Variants in ROBO2 observed in about 807,000 individuals in gnomAD.
ROBO2 encodes the protein roundabout homolog 2.
ROBO2 carries 53 observed loss-of-function variants against 160.8 expected under a neutral mutation model. That is an observed-to-expected ratio of 0.33 (90% CI 0.26 to 0.41). The LOEUF is 0.41. Among genes scored for constraint, ROBO2 ranks in the 10% least tolerant of loss-of-function variants. The probability of loss-of-function intolerance (pLI) is 1.00; values close to 1 mark genes in which losing one functional copy is unlikely to be tolerated. For missense variants in ROBO2, 1,577 were observed against 1,722.4 expected (o/e 0.92, Z 1.49); for synonymous variants, 664 against 611.7 (o/e 1.09, Z -1.26).
At chr3:76,597,548 A>G (rs1056000462) in intron 2 of ROBO2, among the ~76,000 whole-genome samples, 5 of 139,674 alleles carry the variant, frequency 3.6e-5, no homozygotes, top group African/African-American at 1.6e-4. Context: ...CTAAAACAAC[A>G]ATGAGGTTCA....
chr3:77,588,754 G>C, exon 17 of ROBO2: 1 of 1,613,016 alleles, frequency 6.2e-7, no homozygotes. Context: ...TCCATAGGGA[G>C]ACGCAATGAA....
At chr3:76,766,362 C>T (rs1033825827) in intron 2 of ROBO2, among the ~76,000 whole-genome samples, 3 of 151,628 alleles carry the variant, frequency 2.0e-5, no homozygotes, top group Non-Finnish European at 4.4e-5. Context: ...CCATTTCAAT[C>T]TATGGACGTA....
chr3:76,427,047 A>G (rs535246999), intron 2 of ROBO2, among the ~76,000 whole-genome samples: 129 of 152,256 alleles, frequency 8.5e-4, no homozygotes, highest in African/African-American at 2.8e-3. Flanking sequence ...ATATTTTCCT[A>G]TGACCTAACT....
At chr3:76,833,910 A>G (rs1414033377) in intron 2 of ROBO2, among the ~76,000 whole-genome samples, 2 of 151,778 alleles carry the variant, frequency 1.3e-5, no homozygotes, top group African/African-American at 4.8e-5. Flanking sequence ...TGACATGCTC[A>G]GACTTTTTTT....
chr3:76,259,523 G>T (rs1706608510), intron 2 of ROBO2, among the ~76,000 whole-genome samples: 1 of 152,104 alleles, frequency 6.6e-6, no homozygotes, highest in Non-Finnish European at 1.5e-5. Context: ...GTAAGCAGAG[G>T]CCCTGGTGAC....
intron 2 of ROBO2, among the ~76,000 whole-genome samples, chr3:77,463,251 C>T (rs2153573393): frequency 6.6e-6 from 1 of 152,188 alleles, no homozygotes; most frequent in South Asian, 2.1e-4. Context: ...AAGTGAAAAA[C>T]AAATATCTAA....
chr3:76,702,971 A>G (rs1281243692), intron 2 of ROBO2, among the ~76,000 whole-genome samples: 1 of 152,116 alleles, frequency 6.6e-6, no homozygotes, highest in East Asian at 1.9e-4. Flanking sequence ...AGTTAACAGA[A>G]CACAGAGATG....
At chr3:76,395,588 G>C (rs1397283700) in intron 2 of ROBO2, among the ~76,000 whole-genome samples, 1 of 150,902 alleles carries the variant, frequency 6.6e-6, no homozygotes, top group African/African-American at 2.4e-5. Flanking sequence ...GACTAATAAA[G>C]AAAAAAAGAG....
intron 2 of ROBO2, among the ~76,000 whole-genome samples, chr3:76,233,811 ATTTTGT>A (rs1360236166): frequency 5.9e-5 from 9 of 152,046 alleles, no homozygotes; most frequent in African/African-American, 2.2e-4. Flanking sequence ...CTTTTTTGTT[ATTTTGT>A]TTTTAACTTT....
At chr3:77,043,616 G>T (rs2064317711) in intron 1 of ROBO2, among the ~76,000 whole-genome samples, 2 of 152,074 alleles carry the variant, frequency 1.3e-5, no homozygotes, top group Admixed American at 1.3e-4. Flanking sequence ...AGACTTTTCT[G>T]TATGATCATA....
intron 2 of ROBO2, among the ~76,000 whole-genome samples, chr3:76,585,685 G>C (rs767825555): frequency 1.3e-5 from 2 of 152,098 alleles, no homozygotes; most frequent in Non-Finnish European, 2.9e-5. Context: ...GGAAGACAAG[G>C]GGGTATATGA....
rs968231179 is a variant in ROBO2 at position 77,642,664 on chromosome 3, T to A, written c.3935-2040T>A. ...AGTCCATTCTAAACATTATTCAAAATTTTTAGATCTTCCACCACCACCAGA... is the reference window on the plus strand; with the variant it reads ...AGTCCATTCTAAACATTATTCAAAAATTTTAGATCTTCCACCACCACCAGA... On this transcript the variant is annotated intron_variant, in intron 24 of 25. Coordinates refer to ENST00000461745, the Ensembl canonical transcript of ROBO2. The A allele has an allele frequency of 2.2e-6, 1 of 452,474 alleles. No homozygotes were observed. Among genetic ancestry groups the A allele is most frequent in the East Asian group, 7.0e-5 (1 of 14,370 alleles). 28.0% of individuals were successfully genotyped at this position (452,474 alleles called of 1,614,324 possible).
intron 1 of ROBO2, among the ~76,000 whole-genome samples, chr3:77,057,258 C>A (rs1254954862): frequency 6.6e-6 from 1 of 152,022 alleles, no homozygotes; most frequent in East Asian, 1.9e-4. Flanking sequence ...GGGAACTGAA[C>A]AATGAGAACA....
At chr3:77,413,313 G>T (rs757518941) in intron 2 of ROBO2, among the ~76,000 whole-genome samples, 3 of 152,088 alleles carry the variant, frequency 2.0e-5, no homozygotes, top group Admixed American at 6.6e-5. Flanking sequence ...AAGAGGAAGT[G>T]CAAAGGCTTA....
intron 2 of ROBO2, among the ~76,000 whole-genome samples, chr3:76,834,460 C>T (rs2067488106): frequency 6.6e-6 from 1 of 152,060 alleles, no homozygotes; most frequent in Non-Finnish European, 1.5e-5. Context: ...GCAACCTCCT[C>T]CTCCTAGGTT....
At chr3:77,110,876 T>G (rs73112440) in intron 2 of ROBO2, among the ~76,000 whole-genome samples, 2,668 of 152,118 alleles carry the variant, frequency 0.018, 33 homozygotes, top group Middle Eastern at 0.041. Flanking sequence ...GTACTTTTTG[T>G]CGAGATGGGG....
At chr3:75,941,238 G>A (rs1948040793) in intron 2 of ROBO2, among the ~76,000 whole-genome samples, 1 of 152,120 alleles carries the variant, frequency 6.6e-6, no homozygotes, top group South Asian at 2.1e-4. Flanking sequence ...TTACAGGCAT[G>A]AGCCGTTGCA....
intron 23 of ROBO2, among the ~76,000 whole-genome samples, chr3:77,623,426 A>C (rs1467677236): frequency 6.6e-6 from 1 of 152,216 alleles, no homozygotes; most frequent in Non-Finnish European, 1.5e-5. Flanking sequence ...GATTTTACAC[A>C]ATGTGTTAGA....
intron 2 of ROBO2, among the ~76,000 whole-genome samples, chr3:77,300,988 C>T (rs11127584): frequency 0.31 from 46,779 of 151,652 alleles, 8,687 homozygotes; most frequent in Middle Eastern, 0.46. Flanking sequence ...CCTGCCTCAG[C>T]CTCCCGAGTA....
Sources: allele counts gnomAD v4.1 joint callset (sites outside exome capture counted in the v4.1 genomes callset), GRCh38; gene constraint gnomAD v4.1.1; transcripts MANE v1.5; gene names NCBI Gene and HGNC (gene_info 2026-07-23, HGNC 2026-07-21).